Variants in PDGFD observed in about 807,000 individuals in gnomAD.
PDGFD encodes the protein platelet-derived growth factor D.
PDGFD carries 30 observed loss-of-function variants against 44.7 expected under a neutral mutation model. The ratio of observed to expected loss-of-function variants is 0.67; its 90% CI spans 0.50 to 0.91. The LOEUF (loss-of-function observed/expected upper bound fraction) is 0.91, where lower values mean the gene tolerates loss of function less well. Among genes scored for constraint, PDGFD ranks in the 40% least tolerant of loss-of-function variants. The pLI is 0.00. For synonymous variants in PDGFD, 173 were observed against 168.4 expected (o/e 1.03, Z -0.21); for missense variants, 445 against 457.8 (o/e 0.97, Z 0.25).
At chr11:104,009,345 T>C (rs1394114889) in intron 1 of PDGFD, among the ~76,000 whole-genome samples, 5 of 152,112 alleles carry the variant, frequency 3.3e-5, no homozygotes, top group South Asian at 4.1e-4. Flanking sequence ...CTAGATTCCA[T>C]AGGTTCTCAT....
At chr11:104,029,228 G>C (rs1860090000) in intron 1 of PDGFD, among the ~76,000 whole-genome samples, 1 of 152,180 alleles carries the variant, frequency 6.6e-6, no homozygotes, top group Non-Finnish European at 1.5e-5. Context: ...AGATACCATT[G>C]GGATGGTGTA....
chr11:104,102,016 G>A (rs1239965133), intron 1 of PDGFD, among the ~76,000 whole-genome samples: 3 of 152,104 alleles, frequency 2.0e-5, no homozygotes, highest in East Asian at 3.9e-4. Context: ...CATAGGCATG[G>A]GCAAGGACTT....
chr11:104,162,655 T>C (rs564083028), intron 1 of PDGFD, among the ~76,000 whole-genome samples: 5 of 152,204 alleles, frequency 3.3e-5, no homozygotes, highest in Non-Finnish European at 5.9e-5. Flanking sequence ...GATAACATAA[T>C]GAAATTTTGG....
At chr11:104,078,197 T>C (rs994704264) in intron 1 of PDGFD, among the ~76,000 whole-genome samples, 1 of 152,102 alleles carries the variant, frequency 6.6e-6, no homozygotes, top group Admixed American at 6.6e-5. Flanking sequence ...GGCTGTTGGG[T>C]GGGTTAAGGG....
At chr11:104,124,050 G>A (rs1861811672) in intron 1 of PDGFD, among the ~76,000 whole-genome samples, 1 of 152,004 alleles carries the variant, frequency 6.6e-6, no homozygotes, top group African/African-American at 2.4e-5. Context: ...ATGGAAGTGA[G>A]ATGTCTAATA....
At chr11:104,128,534 C>T (rs978729149) in intron 1 of PDGFD, among the ~76,000 whole-genome samples, 2 of 152,122 alleles carry the variant, frequency 1.3e-5, no homozygotes, top group Non-Finnish European at 2.9e-5. Context: ...TGGCTCCATG[C>T]ATGATTGCGT....
chr11:104,040,399 T>A, intron 1 of PDGFD, among the ~76,000 whole-genome samples: 1 of 152,228 alleles, frequency 6.6e-6, no homozygotes, highest in East Asian at 1.9e-4. Flanking sequence ...AATGCCTTTA[T>A]TGATTAACTT....
rs1857971543 is a variant in PDGFD at position 103,908,373 on chromosome 11, GC to G, written c.*1320del. 1 of 152,190 alleles carries G rather than the reference GC, an allele frequency of 6.6e-6. No individual in the cohort carries two copies. The highest frequency in any genetic ancestry group is 1.5e-5 in the Non-Finnish European group (1 of 68,034). 9.4% of individuals were successfully genotyped at this position (152,190 alleles called of 1,614,324 possible). On this transcript the variant is annotated 3_prime_UTR_variant, in exon 7 of 7. Coordinates refer to ENST00000393158, the MANE Select transcript of PDGFD (RefSeq NM_025208.5). ...CAGTTTTCTATTAAACAGTAGGACAGCAGGGCCAAACTTGTGTTACCACAAT... is the reference window on the plus strand; with the variant it reads ...CAGTTTTCTATTAAACAGTAGGACAGAGGGCCAAACTTGTGTTACCACAAT...
intron 5 of PDGFD, among the ~76,000 whole-genome samples, chr11:103,939,301 T>C (rs575908448): frequency 6.6e-6 from 1 of 152,328 alleles, no homozygotes; most frequent in Non-Finnish European, 1.5e-5. Context: ...CTAGGTATTT[T>C]ATTCTCTTTG....
chr11:104,069,719 G>T (rs1258944240), intron 1 of PDGFD, among the ~76,000 whole-genome samples: 1 of 152,162 alleles, frequency 6.6e-6, no homozygotes, highest in Non-Finnish European at 1.5e-5. Context: ...AATTAGCTGG[G>T]CGTGTTGGCC....
intron 1 of PDGFD, among the ~76,000 whole-genome samples, chr11:104,131,312 G>A (rs1177084352): frequency 6.6e-6 from 1 of 152,088 alleles, no homozygotes; most frequent in African/African-American, 2.4e-5. Context: ...CAACAATATG[G>A]CCCTCTTTGA....
At chr11:104,126,285 G>A (rs1247195327) in intron 1 of PDGFD, among the ~76,000 whole-genome samples, 2 of 152,136 alleles carry the variant, frequency 1.3e-5, no homozygotes, top group African/African-American at 4.8e-5. Context: ...TCCCTGCCTG[G>A]ATTTCAGTGG....
chr11:103,988,891 G>A (rs989199846), intron 3 of PDGFD, among the ~76,000 whole-genome samples: 5 of 152,146 alleles, frequency 3.3e-5, no homozygotes, highest in Non-Finnish European at 1.5e-5. Flanking sequence ...TCATGGAGAT[G>A]CATTCATGCA....
intron 1 of PDGFD, among the ~76,000 whole-genome samples, chr11:104,066,908 T>C (rs1016098798): frequency 1.3e-5 from 2 of 152,128 alleles, no homozygotes; most frequent in African/African-American, 4.8e-5. Flanking sequence ...TTTGTACATC[T>C]CCAAATACTT....
intron 1 of PDGFD, among the ~76,000 whole-genome samples, chr11:104,098,245 G>A (rs1279683503): frequency 6.6e-6 from 1 of 152,102 alleles, no homozygotes; most frequent in African/African-American, 2.4e-5. Context: ...GCAAAGATTA[G>A]ACACCACAGC....
intron 1 of PDGFD, among the ~76,000 whole-genome samples, chr11:104,054,429 C>G (rs1860591254): frequency 6.6e-6 from 1 of 152,068 alleles, no homozygotes; most frequent in African/African-American, 2.4e-5. Context: ...ATAAGGCAAC[C>G]TCAATAAGAA....
chr11:104,000,795 T>C lies in PDGFD; in HGVS notation c.125-540A>G, dbSNP rs116849993. ...TCCATCCTTCCACCACGAAAAATCA[T>C]AATTTTGTGTCTTGGGTTTTCTATG... On this transcript the variant is annotated intron_variant, in intron 1 of 6. Transcript: ENST00000393158. 9.0e-3 allele frequency among the ~76,000 whole-genome samples: 1,370 copies of C among 152,308 alleles called. 13 individuals are homozygous for C. The highest frequency in any genetic ancestry group is 0.017 in the South Asian group (82 of 4,826).
chr11:104,159,846 A>G (rs966420932), intron 1 of PDGFD, among the ~76,000 whole-genome samples: 9 of 152,198 alleles, frequency 5.9e-5, no homozygotes, highest in African/African-American at 2.4e-5. Flanking sequence ...CCTCCACTAC[A>G]TAGTACACAG....
intron 1 of PDGFD, among the ~76,000 whole-genome samples, chr11:104,004,410 T>C (rs937905366): frequency 1.3e-5 from 2 of 152,228 alleles, no homozygotes; most frequent in Non-Finnish European, 2.9e-5. Context: ...ATAGCATTTA[T>C]ACTGTTTCTA....
Sources: allele counts gnomAD v4.1 joint callset (sites outside exome capture counted in the v4.1 genomes callset), GRCh38; gene constraint gnomAD v4.1.1; transcripts MANE v1.5; gene names NCBI Gene and HGNC (gene_info 2026-07-23, HGNC 2026-07-21).